Variants in PHF5A observed in about 807,000 individuals in gnomAD.
PHF5A encodes PHD finger protein 5A.
For synonymous variants in PHF5A, 52 were observed against 46.0 expected (o/e 1.13, Z -0.52); for missense variants, 24 against 140.6 (o/e 0.17, Z 4.19).
At chr22:41,468,358 G>A (rs2037890846) in intron 1 of PHF5A, 1 of 649,958 alleles carries the variant, frequency 1.5e-6, no homozygotes, top group Admixed American at 2.9e-5. Flanking sequence ...GGCAAGCTCA[G>A]AGTTTCTCTG....
intron 3 of PHF5A, among the ~76,000 whole-genome samples, chr22:41,463,599 C>A (rs1301839713): frequency 2.9e-5 from 3 of 103,072 alleles, no homozygotes; most frequent in Non-Finnish European, 6.3e-5. Flanking sequence ...GTGGTGCACG[C>A]CTGTAATCCC....
At chr22:41,462,031 T>C (rs5751108) in intron 3 of PHF5A, among the ~76,000 whole-genome samples, 124,549 of 152,150 alleles carry the variant, frequency 0.82, 52,042 homozygotes, top group African/African-American at 0.95. Context: ...ATTTGACACA[T>C]GGTCTTGGGG....
At chr22:41,463,447 C>T (rs2037841346) in intron 3 of PHF5A, among the ~76,000 whole-genome samples, 2 of 151,832 alleles carry the variant, frequency 1.3e-5, no homozygotes, top group Admixed American at 6.6e-5. Context: ...AAAAATTAGG[C>T]TGGACACGGT....
chr22:41,462,426 C>T (rs1601865002), intron 3 of PHF5A, among the ~76,000 whole-genome samples: 1 of 152,142 alleles, frequency 6.6e-6, no homozygotes, highest in South Asian at 2.1e-4. Flanking sequence ...TTAGGATCTC[C>T]TAGAAAAGAA....
At chr22:41,468,514 A>T in intron 1 of PHF5A, 88 bp downstream of exon 1, 2 of 1,432,366 alleles carry the variant, frequency 1.4e-6, no homozygotes, top group Non-Finnish European at 2.0e-6. Flanking sequence ...CTGCGAGGCA[A>T]GCCCCTAAGG....
chr22:41,468,527 G>A lies in PHF5A; in HGVS notation c.52+75C>T, dbSNP rs377644942. The A allele has an allele frequency of 4.6e-6, 7 of 1,520,472 alleles. No homozygotes were observed. In the African/African-American group the frequency reaches 9.6e-5, roughly 21 times the overall value. 94.2% of individuals were successfully genotyped at this position (1,520,472 alleles called of 1,614,324 possible). On this transcript the variant is annotated intron_variant, in intron 1 of 3. Transcript: ENST00000216252. ...GCCTGCGAGGCAAGCCCCTAAGGAAGAGACGGGAACCCCCGACCCCCCAGC... is the reference window on the plus strand; with the variant it reads ...GCCTGCGAGGCAAGCCCCTAAGGAAAAGACGGGAACCCCCGACCCCCCAGC...
At chr22:41,462,493 C>T (rs374848436) in intron 3 of PHF5A, among the ~76,000 whole-genome samples, 28 of 152,294 alleles carry the variant, frequency 1.8e-4, no homozygotes, top group African/African-American at 6.0e-4. Context: ...ACCAAGGAAG[C>T]CGCCTACCAA....
intron 3 of PHF5A, among the ~76,000 whole-genome samples, chr22:41,462,494 C>T (rs1042981963): frequency 6.6e-5 from 10 of 152,142 alleles, no homozygotes; most frequent in African/African-American, 2.4e-4. Flanking sequence ...CCAAGGAAGC[C>T]GCCTACCAAT....
At chr22:41,461,123 A>T (rs2037824189) in intron 3 of PHF5A, among the ~76,000 whole-genome samples, 1 of 152,160 alleles carries the variant, frequency 6.6e-6, no homozygotes, top group South Asian at 2.1e-4. Context: ...CAGTGAGCTG[A>T]GATCACGCCA....
intron 3 of PHF5A, 108 bp from the exon 4 acceptor site, chr22:41,460,595 A>G (rs1262650947): frequency 1.3e-6 from 1 of 747,486 alleles, no homozygotes; most frequent in Non-Finnish European, 2.1e-6. Context: ...AGTCCCAGCT[A>G]CTACTCGAAG....
chr22:41,462,308 G>T (rs1022621495), intron 3 of PHF5A, among the ~76,000 whole-genome samples: 11 of 152,190 alleles, frequency 7.2e-5, no homozygotes, highest in Non-Finnish European at 1.6e-4. Context: ...TTAGGTGATA[G>T]TATGAATTAA....
rs1222927761 is a variant in PHF5A at position 41,468,418 on chromosome 22, G to C, written c.52+184C>G. On this transcript the variant is annotated intron_variant, in intron 1 of 3. Coordinates refer to ENST00000216252, the MANE Select transcript of PHF5A (RefSeq NM_032758.4). ...GATACCTGCCTGGGGCTCCCAGCAC[G>C]CGCACCCCCGCCCTCTTCTCATCAG... is the stretch of plus-strand genomic sequence containing the variant. 7.7e-6 allele frequency: 5 copies of C among 652,440 alleles called. No individual in the cohort carries two copies. The East Asian group carries it at 8.5e-5, about 11-fold the overall frequency. 40.4% of individuals were successfully genotyped at this position (652,440 alleles called of 1,614,324 possible). A position where few individuals can be genotyped will look rare whatever the true frequency, so the allele number is the denominator to read the frequency against.
rs375345370 is a variant in PHF5A, at chr22:41,460,377, G to C, written c.*21C>G. The C allele has an allele frequency of 9.8e-5, 154 of 1,578,192 alleles. No homozygotes were observed. Among genetic ancestry groups the C allele is most frequent in the Non-Finnish European group, 1.3e-4 (147 of 1,154,656 alleles). Reference sequence around the variant, plus strand: ...AGCTGCAGCAGACTGATGTTGGGGGGAGGAAGGGGCCACCCACCAATCACC... The same window carrying C: ...AGCTGCAGCAGACTGATGTTGGGGGCAGGAAGGGGCCACCCACCAATCACC... On this transcript the variant is annotated 3_prime_UTR_variant, in exon 4 of 4. Coordinates refer to ENST00000216252, the MANE Select transcript of PHF5A (RefSeq NM_032758.4).
At chr22:41,463,747 A>AAAG (rs1555885002) in intron 3 of PHF5A, among the ~76,000 whole-genome samples, 5 of 150,192 alleles carry the variant, frequency 3.3e-5, no homozygotes, top group Non-Finnish European at 3.0e-5. Flanking sequence ...AAAAAAAAAA[A>AAAG]GCCAGGCATG....
chr22:41,468,494 A>G (rs2037894009), intron 1 of PHF5A, 108 bp downstream of exon 1: 2 of 1,272,276 alleles, frequency 1.6e-6, no homozygotes, highest in African/African-American at 2.9e-5. Flanking sequence ...AGAGGCGGGA[A>G]ACGTGGCGCC....
At chr22:41,463,965 G>A (rs1464336386) in intron 3 of PHF5A, among the ~76,000 whole-genome samples, 2 of 152,044 alleles carry the variant, frequency 1.3e-5, no homozygotes, top group African/African-American at 4.8e-5. Flanking sequence ...GTGACCTTGG[G>A]CTAACCAAGT....
At chr22:41,465,176 C>T (rs911904034) in intron 3 of PHF5A, among the ~76,000 whole-genome samples, 2 of 151,952 alleles carry the variant, frequency 1.3e-5, no homozygotes, top group Non-Finnish European at 2.9e-5. Context: ...ATGGTGTACT[C>T]ACTTTTTTTT....
intron 3 of PHF5A, among the ~76,000 whole-genome samples, chr22:41,467,125 C>G (rs1013298730): frequency 6.6e-6 from 1 of 151,832 alleles, no homozygotes; most frequent in African/African-American, 2.4e-5. Context: ...CTTGGACTCC[C>G]AAAGTGCTGA....
At chr22:41,462,511 C>T (rs904404959) in intron 3 of PHF5A, among the ~76,000 whole-genome samples, 2 of 152,174 alleles carry the variant, frequency 1.3e-5, no homozygotes, top group Non-Finnish European at 2.9e-5. Flanking sequence ...CAATAGCTTG[C>T]TAGGTGAACC....
Sources: allele counts gnomAD v4.1 joint callset (sites outside exome capture counted in the v4.1 genomes callset), GRCh38; gene constraint gnomAD v4.1.1; transcripts MANE v1.5; gene names NCBI Gene and HGNC (gene_info 2026-07-23, HGNC 2026-07-21).